The following SEC16B variants were observed in gnomAD, a reference collection of about 807,000 sequenced individuals.
SEC16B encodes protein transport protein Sec16B.
In SEC16B, 115 loss-of-function variants were observed where a neutral mutation model predicts 141.8. The ratio of observed to expected loss-of-function variants is 0.81; its 90% confidence interval spans 0.70 to 0.95. The LOEUF (loss-of-function observed/expected upper bound fraction) is 0.95, where lower values mean the gene tolerates loss of function less well. Among genes scored for constraint, SEC16B ranks in the 40% least tolerant of loss-of-function variants. The pLI, the probability that SEC16B is intolerant of heterozygous loss-of-function variation, is 0.00. For missense variants in SEC16B, 1,291 were observed against 1,312.3 expected, an observed-to-expected ratio of 0.98 and a Z score of 0.25; for synonymous variants, 493 against 492.5, an observed-to-expected ratio of 1.00 and a Z score of -0.01.
intron 10 of SEC16B, among the ~76,000 whole-genome samples, chr1:177,956,200 G>A (rs1652589049): frequency 1.3e-5 from 2 of 152,098 alleles, no homozygotes; most frequent in South Asian, 4.2e-4. Flanking sequence ...GAAGTTTACT[G>A]AAACACGGCC....
At chr1:177,978,009 T>G (rs1213082530) in intron 1 of SEC16B, among the ~76,000 whole-genome samples, 1 of 152,216 alleles carries the variant, frequency 6.6e-6, no homozygotes, top group Non-Finnish European at 1.5e-5. Context: ...ATCTTTGCTC[T>G]TCTCTCTTTC....
intron 7 of SEC16B, 178 bp from the exon 8 acceptor site, chr1:177,960,581 A>C (rs1235478122): frequency 1.4e-6 from 1 of 696,798 alleles, no homozygotes; most frequent in Admixed American, 2.8e-5. Context: ...ACATCTCAGG[A>C]AAAACACAAC....
At position 177,960,822 on chromosome 1, in the gene SEC16B, T is replaced by G. The variant is rs1653001474; in HGVS notation, c.905A>C (p.Gln302Pro). ...HVGPSSPTDG[Q>P]AALVELHSME... Reference sequence around the variant, plus strand: ...GCTGTGCAGTTCAACAAGGGCTGCTTGCCCGTCAGTGGGAGAGCTGGGACC... The same window carrying G: ...GCTGTGCAGTTCAACAAGGGCTGCTGGCCCGTCAGTGGGAGAGCTGGGACC... The change falls in exon 7 of 26, where the codon CAA becomes CCA. Residue 302 changes from glutamine (Q) to proline (P), a missense_variant. Gln to Pro is a moderately conservative substitution (Grantham distance 76, BLOSUM62 -1). Transcript: ENST00000308284. The G allele has an allele frequency of 6.2e-7, 1 of 1,612,050 alleles. No homozygotes were observed. The highest frequency in any genetic ancestry group is 8.5e-7 in the Non-Finnish European group (1 of 1,178,860).
intron 15 of SEC16B, among the ~76,000 whole-genome samples, chr1:177,943,482 C>T (rs1417922102): frequency 1.3e-5 from 2 of 152,220 alleles, no homozygotes; most frequent in Non-Finnish European, 2.9e-5. Flanking sequence ...CAGGATTTCA[C>T]TTTCAAGGCT....
chr1:177,954,257 CT>C (rs771263720), intron 11 of SEC16B, 21 bp downstream of exon 11: 29 of 1,548,482 alleles, frequency 1.9e-5, no homozygotes, highest in Non-Finnish European at 2.4e-5. Flanking sequence ...CCACTGGCCT[CT>C]TTTGTTAAGT....
In SEC16B at chr1:177,932,764, G is replaced by A. The variant is rs139664603; in HGVS notation, c.2866C>T (p.Leu956Phe). Reference protein sequence around the residue: ...ASSPHQAGLGLSLTPSPESPP... With the variant: ...ASSPHQAGLGFSLTPSPESPP... ...GACTCAGGGGAAGGTGTCAGTGAGA[G>A]GCCCAGGCCAGCCTGGTGGGGAGAA... The change falls in exon 23 of 26, where the codon CTC becomes TTC. Residue 956 changes from leucine to phenylalanine, a missense_variant. By Grantham distance (22) the Leu-to-Phe change is conservative. Coordinates refer to ENST00000308284, the MANE Select transcript of SEC16B (RefSeq NM_033127.4). 1.5e-5 allele frequency: 24 copies of A among 1,612,768 alleles called. No homozygotes were observed. Among genetic ancestry groups the A allele is most frequent in the Admixed American group, 6.7e-5 (4 of 59,882 alleles).
intron 10 of SEC16B, among the ~76,000 whole-genome samples, chr1:177,957,214 A>G (rs557517600): frequency 6.6e-6 from 1 of 152,302 alleles, no homozygotes; most frequent in Non-Finnish European, 1.5e-5. Context: ...ATGTAACAAG[A>G]TGTGTAAATG....
At chr1:177,933,719 G>T in intron 20 of SEC16B, 83 bp from the exon 21 acceptor site, 7 of 1,363,676 alleles carry the variant, frequency 5.1e-6, no homozygotes, top group South Asian at 2.6e-5. Context: ...CACCTGACCT[G>T]CTCAGAAGGC....
At position 177,962,762 on chromosome 1, in the gene SEC16B, G is replaced by T. The variant is rs371883100; in HGVS notation, c.643-1028C>A. Among the ~76,000 whole-genome samples the T allele has an allele frequency of 3.1e-4, 46 of 150,652 alleles. No homozygotes were observed. In the East Asian group the frequency reaches 3.2e-3, roughly 11 times the overall value. ...CTCTGTCTCTAAATAAATAAATAAAGAAATTCATTGAATTTACATCTTGTG... is the reference window on the plus strand; with the variant it reads ...CTCTGTCTCTAAATAAATAAATAAATAAATTCATTGAATTTACATCTTGTG... On this transcript the variant is annotated intron_variant, in intron 5 of 25. Coordinates refer to ENST00000308284, the MANE Select transcript of SEC16B (RefSeq NM_033127.4).
rs1327850557 is a variant in SEC16B, at chr1:177,932,562, AC to A, written c.2939del (p.Gly980ValfsTer44). ...VSAFSRGRGG[G>X]EGRGSASSGG... ...CGCTGGATGCGGATCCTCGGCCTTC[AC>A]CCCCACCTGGAAAGTAATGAGGCAG... On this transcript the variant is annotated frameshift_variant, in exon 24 of 26. Transcript: ENST00000308284. LOFTEE classifies it high-confidence loss of function. 3 of 1,557,450 alleles carry A rather than the reference AC, an allele frequency of 1.9e-6. No individual in the cohort carries two copies. The highest frequency in any genetic ancestry group is 1.9e-5 in the Admixed American group (1 of 52,194).
At position 177,961,724 on chromosome 1, in the gene SEC16B, G is replaced by T; in HGVS notation, c.653C>A (p.Ala218Asp). The change falls in exon 6 of 26, where the codon GCT becomes GAT. Residue 218 changes from alanine (A) to aspartate (D), a missense_variant. Ala to Asp is a moderately radical substitution (Grantham distance 126). Around this residue, in one of 3 missense-constraint regions of SEC16B, gnomAD observed 681 missense variants for 675.5 expected, o/e 1.01. Transcript: ENST00000308284. The part of the protein sequence containing the change: ...AEAQKNKPSL[A>D]SESNLLQQRE... ...CTGCTGGAGAAGGTTGGACTCACTAGCCAATGATGGCTGAAAGTTAAAAAC... is the reference window on the plus strand; with the variant it reads ...CTGCTGGAGAAGGTTGGACTCACTATCCAATGATGGCTGAAAGTTAAAAAC... 1 of 1,613,580 alleles carries T rather than the reference G, an allele frequency of 6.2e-7. No homozygotes were observed. The highest frequency in any genetic ancestry group is 8.5e-7 in the Non-Finnish European group (1 of 1,179,820).
intron 5 of SEC16B, 32 bp downstream of exon 5, chr1:177,964,139 C>G: frequency 6.6e-7 from 1 of 1,504,670 alleles, no homozygotes; most frequent in Non-Finnish European, 9.1e-7. Context: ...CACATGGCCA[C>G]AGTCTCCAGC....
intron 22 of SEC16B, among the ~76,000 whole-genome samples, 167 bp downstream of exon 22, chr1:177,933,047 T>C (rs1004446960): frequency 2.0e-5 from 3 of 152,174 alleles, no homozygotes; most frequent in South Asian, 4.1e-4. Flanking sequence ...AATCTGCCTT[T>C]GCCCTCACAG....
intron 12 of SEC16B, chr1:177,948,588 A>G (rs1446663094): frequency 6.1e-6 from 8 of 1,304,114 alleles, no homozygotes; most frequent in Admixed American, 4.6e-5. Context: ...GGAAATGTAC[A>G]AAGCCCCGCA....
At chr1:177,981,069 A>G (rs1654391214) in intron 1 of SEC16B, among the ~76,000 whole-genome samples, 1 of 151,974 alleles carries the variant, frequency 6.6e-6, no homozygotes, top group Non-Finnish European at 1.5e-5. Flanking sequence ...GCAGGTACTC[A>G]GCATAAGTAT....
chr1:177,953,657 C>T (rs1652376309), intron 11 of SEC16B, among the ~76,000 whole-genome samples: 1 of 151,968 alleles, frequency 6.6e-6, no homozygotes, highest in Non-Finnish European at 1.5e-5. Context: ...TCCTTGCTTC[C>T]ATCCCTAGCT....
At chr1:177,969,206 C>T (rs1653784741) in intron 1 of SEC16B, among the ~76,000 whole-genome samples, 1 of 152,118 alleles carries the variant, frequency 6.6e-6, no homozygotes, top group Non-Finnish European at 1.5e-5. Context: ...CATATCAGAA[C>T]AAAAGGTCAA....
At chr1:177,951,109 T>A (rs868711989) in intron 12 of SEC16B, among the ~76,000 whole-genome samples, 1 of 152,074 alleles carries the variant, frequency 6.6e-6, no homozygotes, top group African/African-American at 2.4e-5. Flanking sequence ...ATTATAGATA[T>A]AATTCATACG....
At position 177,961,628 on chromosome 1, in the gene SEC16B, T is replaced by C. The variant is rs376675555; in HGVS notation, c.749A>G (p.Asp250Gly). ...ACTCCAAGCTGCTGAAGCTGGGGGATCATCCCGCTCCGGGGCATCTCTGAT... is the reference window on the plus strand; with the variant it reads ...ACTCCAAGCTGCTGAAGCTGGGGGACCATCCCGCTCCGGGGCATCTCTGAT... Reference protein sequence around the residue: ...QYIRDAPERDDPPASAAWSPV... With the variant: ...QYIRDAPERDGPPASAAWSPV... Residue 250 changes from aspartate to glycine, a missense_variant, in exon 6 of 26, where the codon GAT (aspartate) becomes GGT (glycine). By Grantham distance (94) the Asp-to-Gly change is moderately conservative. This residue lies in a region of SEC16B where 681 missense variants were observed against 675.5 expected (regional missense o/e 1.01). Coordinates refer to ENST00000308284, the MANE Select transcript of SEC16B (RefSeq NM_033127.4). 4.2e-5 allele frequency: 68 copies of C among 1,613,750 alleles called. No homozygotes were observed. In the South Asian group the frequency reaches 6.5e-4, roughly 15 times the overall value.
Sources: allele counts gnomAD v4.1 joint callset (sites outside exome capture counted in the v4.1 genomes callset), GRCh38; gene constraint gnomAD v4.1.1; regional missense constraint gnomAD v4.1.1; transcripts MANE v1.5; gene names NCBI Gene and HGNC (gene_info 2026-07-23, HGNC 2026-07-21).